GATA4: variants seen among roughly 807,000 people sequenced by gnomAD.
GATA4 encodes transcription factor GATA-4.
In GATA4, 7 loss-of-function variants were observed where a neutral mutation model predicts 37.9. The ratio of observed to expected loss-of-function variants is 0.18; its 90% confidence interval spans 0.11 to 0.35. GATA4 has a LOEUF of 0.35. GATA4 is among the 10% of genes least tolerant of loss of function. The pLI is 1.00. For synonymous variants in GATA4, 372 were observed against 292.6 expected, an observed-to-expected ratio of 1.27 and a Z score of -2.77; for missense variants, 647 against 653.0, an observed-to-expected ratio of 0.99 and a Z score of 0.10.
intron 2 of GATA4, among the ~76,000 whole-genome samples, chr8:11,738,489 C>T (rs1801568281): frequency 6.6e-6 from 1 of 152,162 alleles, no homozygotes; most frequent in Non-Finnish European, 1.5e-5. Flanking sequence ...ACATCAAGAT[C>T]ATTGTTTATG....
intron 5 of GATA4, chr8:11,756,558 T>G: frequency 2.9e-6 from 1 of 348,828 alleles, no homozygotes; most frequent in Non-Finnish European, 5.6e-6. Flanking sequence ...CAGTATGATA[T>G]TCACGTGTTT....
intron 4 of GATA4, among the ~76,000 whole-genome samples, chr8:11,752,937 T>G (rs1025276637): frequency 6.6e-6 from 1 of 152,248 alleles, no homozygotes; most frequent in Non-Finnish European, 1.5e-5. Context: ...ACTATTGTTC[T>G]TCAATATGGG....
chr8:11,703,729 G>A (rs571854668), upstream of GATA4, among the ~76,000 whole-genome samples: 13 of 152,324 alleles, frequency 8.5e-5, no homozygotes, highest in African/African-American at 2.9e-4. Flanking sequence ...GGAATCCGGG[G>A]CTGGGAGGAT....
chr8:11,682,781 G>A (rs531830323), intron 1 of GATA4, among the ~76,000 whole-genome samples: 1 of 152,162 alleles, frequency 6.6e-6, no homozygotes, highest in African/African-American at 2.4e-5. Context: ...AGTAGTCCCC[G>A]TTTGTGCAAA....
At chr8:11,736,954 A>G (rs59101725) in intron 2 of GATA4, among the ~76,000 whole-genome samples, 2 of 151,926 alleles carry the variant, frequency 1.3e-5, no homozygotes, top group East Asian at 3.9e-4. Flanking sequence ...TGTGGTCTTC[A>G]TTCTTATTTT....
At chr8:11,704,689 G>A (rs1005856138) in intron 1 of GATA4, among the ~76,000 whole-genome samples, 3 of 152,236 alleles carry the variant, frequency 2.0e-5, no homozygotes, top group African/African-American at 7.2e-5. Context: ...CAGGCTGCAC[G>A]GCAGCTCGCA....
intron 2 of GATA4, among the ~76,000 whole-genome samples, chr8:11,746,917 T>C (rs1473140237): frequency 6.6e-6 from 1 of 152,262 alleles, no homozygotes; most frequent in Non-Finnish European, 1.5e-5. Flanking sequence ...CACAGCTACC[T>C]GTTTGCAGGT....
intron 2 of GATA4, among the ~76,000 whole-genome samples, chr8:11,722,670 A>G (rs970040699): frequency 2.6e-5 from 4 of 152,148 alleles, no homozygotes; most frequent in African/African-American, 9.7e-5. Context: ...CCTTCTCTTC[A>G]TGACATTGAA....
upstream of GATA4, among the ~76,000 whole-genome samples, chr8:11,703,819 A>G (rs1799771344): frequency 1.3e-5 from 2 of 152,178 alleles, no homozygotes; most frequent in African/African-American, 4.8e-5. Context: ...TCGAGAGTTG[A>G]GCCCAAGAGG....
At position 11,708,229 on chromosome 8, in the gene GATA4, T is replaced by A; in HGVS notation, c.-84T>A. 1 of 1,455,774 alleles carries A rather than the reference T, an allele frequency of 6.9e-7. No individual in the cohort carries two copies. Among genetic ancestry groups the A allele is most frequent in the Non-Finnish European group, 9.3e-7 (1 of 1,074,722 alleles). The allele number at this position is 1,455,774 out of a possible 1,614,324, so 90.2% of individuals were successfully genotyped here. A position where few individuals can be genotyped will look rare whatever the true frequency, so the allele number is the denominator to read the frequency against. Reference sequence around the variant, plus strand: ...CAGTTCCTCCCACGCATATTATCGTTGTTGCCGTCGTTTTCTCTCCCCGCG... The same window carrying A: ...CAGTTCCTCCCACGCATATTATCGTAGTTGCCGTCGTTTTCTCTCCCCGCG... On this transcript the variant is annotated 5_prime_UTR_variant, in exon 2 of 7. Coordinates refer to ENST00000532059, the MANE Select transcript of GATA4 (RefSeq NM_001308093.3). This position sits in a 1 kb window ranked among gnomAD's most constrained non-coding sequence, Gnocchi z 6.7.
intron 4 of GATA4, among the ~76,000 whole-genome samples, chr8:11,751,770 A>G (rs1339774376): frequency 2.6e-5 from 4 of 152,222 alleles, no homozygotes; most frequent in Non-Finnish European, 5.9e-5. Context: ...GAAAGTCCCT[A>G]GTTTGCCCAT....
intron 2 of GATA4, among the ~76,000 whole-genome samples, chr8:11,736,986 G>A (rs1410195283): frequency 6.6e-6 from 1 of 152,022 alleles, no homozygotes; most frequent in Non-Finnish European, 1.5e-5. Context: ...TGTGTTAACT[G>A]AACTTAGAAC....
intron 2 of GATA4, among the ~76,000 whole-genome samples, chr8:11,725,237 A>G (rs948939044): frequency 1.3e-5 from 2 of 152,276 alleles, no homozygotes; most frequent in Admixed American, 6.5e-5. Flanking sequence ...CCTCCCCAGC[A>G]GGGACTTAGA....
Position 11,748,905 on chromosome 8 carries a change from C to A in GATA4, c.617-11C>A. On this transcript the variant is annotated splice_polypyrimidine_tract_variant and intron_variant, in intron 2 of 6. Transcript: ENST00000532059. ...CTCTGTGTCTTTTCTTGTCTGTTCCCCCCAACTCAGTAGATATGTTTGACG... is the reference window on the plus strand; with the variant it reads ...CTCTGTGTCTTTTCTTGTCTGTTCCACCCAACTCAGTAGATATGTTTGACG... 1 of 1,614,174 alleles carries A rather than the reference C, an allele frequency of 6.2e-7. No homozygotes were observed. Among genetic ancestry groups the A allele is most frequent in the Non-Finnish European group, 8.5e-7 (1 of 1,179,988 alleles).
At chr8:11,754,890 C>T (rs573990164) in intron 4 of GATA4, among the ~76,000 whole-genome samples, 156 bp from the exon 5 acceptor site, 1 of 152,208 alleles carries the variant, frequency 6.6e-6, no homozygotes, top group Non-Finnish European at 1.5e-5. Context: ...ATTTCTTTCT[C>T]GCTGAGTTCC....
In GATA4 at chr8:11,704,229, G is replaced by A. The variant is rs753266302; in HGVS notation, c.-533G>A. 2 of 152,440 alleles carry A rather than the reference G, an allele frequency of 1.3e-5. No individual in the cohort carries two copies. The highest frequency in any genetic ancestry group is 2.1e-4 in the South Asian group (1 of 4,832). 9.4% of individuals were successfully genotyped at this position (152,440 alleles called of 1,614,324 possible). Reference sequence around the variant, plus strand: ...GGACTTGGAGGCGGCCGGCGCAGGGGCCGCGAGAGGCTTCGTCGCCGCTGC... The same window carrying A: ...GGACTTGGAGGCGGCCGGCGCAGGGACCGCGAGAGGCTTCGTCGCCGCTGC... On this transcript the variant is annotated 5_prime_UTR_variant, in exon 1 of 7. Coordinates refer to ENST00000532059, the MANE Select transcript of GATA4 (RefSeq NM_001308093.3).
In GATA4 at chr8:11,709,950, C is replaced by T. The variant is rs1342374170; in HGVS notation, c.616+1022C>T. The stretch of plus-strand genomic sequence containing the variant: ...GGAGTGAGTTTGGATTGAGCCCACC[C>T]TGTGGGGGAGGGGAAGCCCAGGCTT... On this transcript the variant is annotated intron_variant, in intron 2 of 6. Transcript: ENST00000532059. The surrounding 1 kb of genome is among the most constrained non-coding windows in gnomAD (Gnocchi z 4.3). Among the ~76,000 whole-genome samples, 1 of 152,214 alleles carries T rather than the reference C, an allele frequency of 6.6e-6. No individual in the cohort carries two copies. The highest frequency in any genetic ancestry group is 1.5e-5 in the Non-Finnish European group (1 of 68,024).
At chr8:11,736,489 A>AG (rs765915078) in intron 2 of GATA4, among the ~76,000 whole-genome samples, 1 of 152,216 alleles carries the variant, frequency 6.6e-6, no homozygotes, top group Non-Finnish European at 1.5e-5. Flanking sequence ...TAGCGAAGCC[A>AG]GGGGCGGACC....
At chr8:11,739,546 G>T (rs1801623209) in intron 2 of GATA4, among the ~76,000 whole-genome samples, 1 of 151,328 alleles carries the variant, frequency 6.6e-6, no homozygotes, top group Admixed American at 6.6e-5. Flanking sequence ...GAAACTTCTG[G>T]CCCTGCATAG....
Sources: gnomAD v4.1 joint callset for allele counts (sites outside exome capture counted in the v4.1 genomes callset) on GRCh38, gnomAD v4.1.1 for gene constraint, Gnocchi (gnomAD v3.1) non-coding constraint, MANE v1.5 for transcripts, NCBI Gene and HGNC (gene_info 2026-07-23, HGNC 2026-07-21) for gene names.